Variants in U2AF2 observed in about 807,000 individuals in gnomAD.
U2AF2 encodes U2 small nuclear RNA auxiliary factor 2, also known as splicing factor U2AF 65 kDa subunit.
U2AF2 carries 6 observed loss-of-function variants against 52.6 expected under a neutral mutation model. That is an observed-to-expected ratio of 0.11 (90% CI 0.06 to 0.23). The LOEUF (loss-of-function observed/expected upper bound fraction) is 0.23, where lower values mean the gene tolerates loss of function less well. Among genes scored for constraint, U2AF2 ranks in the 10% least tolerant of loss-of-function variants. The pLI is 1.00. For missense variants in U2AF2, 222 were observed against 677.1 expected (o/e 0.33, Z 7.46); for synonymous variants, 284 against 258.2 (o/e 1.10, Z -0.96).
intron 7 of U2AF2, among the ~76,000 whole-genome samples, chr19:55,664,378 T>C (rs1362334076): frequency 6.6e-6 from 1 of 152,218 alleles, no homozygotes; most frequent in East Asian, 1.9e-4. Context: ...TTTCCTGTGC[T>C]TCTCACAGGC....
intron 5 of U2AF2, 49 bp from the exon 6 acceptor site, chr19:55,662,453 T>TC (rs1323414280): frequency 4.0e-6 from 3 of 745,842 alleles, no homozygotes; most frequent in Non-Finnish European, 3.9e-6. Flanking sequence ...CCCTCCTCTC[T>TC]CCACCTCCCT....
intron 1 of U2AF2, 90 bp downstream of exon 1, chr19:55,655,243 A>G (rs1238087286): frequency 2.8e-6 from 4 of 1,414,746 alleles, no homozygotes; most frequent in Non-Finnish European, 1.9e-6. Flanking sequence ...GCTTCCCCCC[A>G]CTTCACGGCC....
At position 55,668,913 on chromosome 19, in the gene U2AF2, T is replaced by TGC. The variant is rs1984708219; in HGVS notation, c.945+122_945+123insCG. The TGC allele has an allele frequency of 1.2e-5, 19 of 1,523,922 alleles. 1 individual carries two copies. In the South Asian group the frequency reaches 2.2e-4, roughly 18 times the overall value. 94.4% of individuals were successfully genotyped at this position (1,523,922 alleles called of 1,614,324 possible). A position where few individuals can be genotyped will look rare whatever the true frequency, so the allele number is the denominator to read the frequency against. ...AGGCGGCCAACCTGAGGCAGTGCCCTGTGTGTGGGCTCGTCCCTGTCCCAT... is the reference window on the plus strand; with the variant it reads ...AGGCGGCCAACCTGAGGCAGTGCCCTGCGTGTGTGGGCTCGTCCCTGTCCCAT... On this transcript the variant is annotated intron_variant, in intron 9 of 11. Coordinates refer to ENST00000308924, the MANE Select transcript of U2AF2 (RefSeq NM_007279.3). This position sits in a 1 kb window ranked among gnomAD's most constrained non-coding sequence, Gnocchi z 5.5.
At chr19:55,658,072 G>A (rs62129562) in intron 1 of U2AF2, among the ~76,000 whole-genome samples, 12,070 of 152,126 alleles carry the variant, frequency 0.079, 739 homozygotes, top group Non-Finnish European at 0.12. Flanking sequence ...ACATTGCATC[G>A]CAAAAACGTG....
At chr19:55,662,469 C>G in intron 5 of U2AF2, 33 bp from the exon 6 acceptor site, 2 of 1,172,316 alleles carry the variant, frequency 1.7e-6, no homozygotes, top group South Asian at 2.8e-5. Flanking sequence ...TCCCTTCCCC[C>G]GCCCCCCCCC....
chr19:55,669,528 G>A lies in U2AF2; in HGVS notation c.1129G>A (p.Val377Ile), dbSNP rs773409354. ...GCAGATGGGCGGCCACCCGACTGAG[G>A]TCCTGTGCCTCATGAACATGGTGCT... Reference protein sequence around the residue: ...QVQMGGHPTEVLCLMNMVLPE... With the variant: ...QVQMGGHPTEILCLMNMVLPE... The change falls in exon 11 of 12, where the codon GTC (valine) becomes ATC (isoleucine). Residue 377 changes from valine to isoleucine, a missense_variant. Transcript: ENST00000308924. The A allele has an allele frequency of 6.2e-7, 1 of 1,613,882 alleles. No homozygotes were observed. The highest frequency in any genetic ancestry group is 8.5e-7 in the Non-Finnish European group (1 of 1,179,862).
intron 1 of U2AF2, among the ~76,000 whole-genome samples, chr19:55,655,610 T>G (rs969139894): frequency 4.6e-5 from 7 of 152,396 alleles, no homozygotes; most frequent in Middle Eastern, 3.4e-3. Context: ...AAATGGCGGT[T>G]GTGAGAACTT....
chr19:55,669,804 C>T (rs1445484099), intron 11 of U2AF2, 112 bp downstream of exon 11: 9 of 1,406,590 alleles, frequency 6.4e-6, no homozygotes, highest in African/African-American at 5.8e-5. Context: ...TCTCCGCGCG[C>T]TCTTTCTTCC....
intron 5 of U2AF2, chr19:55,661,463 A>T (rs1232341521): frequency 6.5e-5 from 27 of 414,160 alleles, no homozygotes; most frequent in Non-Finnish European, 4.3e-6. Context: ...CACGTGTTGT[A>T]CCTACGTGTC....
intron 7 of U2AF2, among the ~76,000 whole-genome samples, chr19:55,666,059 G>A (rs1055815757): frequency 2.6e-5 from 4 of 152,204 alleles, no homozygotes; most frequent in Non-Finnish European, 5.9e-5. Context: ...GTGGGTTATG[G>A]ATCTAAGGTT....
Position 55,674,012 on chromosome 19 carries a change from G to A in U2AF2, c.1372G>A (p.Val458Met). Residue 458 changes from valine to methionine, a missense_variant, in exon 12 of 12, where the codon GTG (valine) becomes ATG (methionine). Physicochemically the swap from Val to Met is conservative, Grantham distance 21. This residue lies in a region of U2AF2 where 71 missense variants were observed against 180.6 expected (regional missense o/e 0.39). Coordinates refer to ENST00000308924, the MANE Select transcript of U2AF2 (RefSeq NM_007279.3). ...GLTGRKFANR[V>M]VVTKYCDPDS... is the part of the protein sequence containing the mutation. ...GACGGGCCGCAAGTTCGCCAACAGA[G>A]TGGTTGTCACAAAATACTGTGACCC... 3 of 1,613,688 alleles carry A rather than the reference G, an allele frequency of 1.9e-6. No individual in the cohort carries two copies. The highest frequency in any genetic ancestry group is 2.2e-5 in the East Asian group (1 of 44,842).
Position 55,668,933 on chromosome 19 carries a change from T to A in U2AF2, c.945+141T>A. ...TGCCCTGTGTGTGGGCTCGTCCCTG[T>A]CCCATGGCGTTGGCTTTTTCCAGGC... is the stretch of plus-strand genomic sequence containing the variant. On this transcript the variant is annotated intron_variant, in intron 9 of 11. Transcript: ENST00000308924. The surrounding 1 kb of genome is among the most constrained non-coding windows in gnomAD (Gnocchi z 5.5). The A allele has an allele frequency of 2.0e-6, 3 of 1,502,652 alleles. No homozygotes were observed. The highest frequency in any genetic ancestry group is 1.9e-5 in the Admixed American group (1 of 51,950). The allele number at this position is 1,502,652 out of a possible 1,614,324, so 93.1% of individuals were successfully genotyped here. A position where few individuals can be genotyped will look rare whatever the true frequency, so the allele number is the denominator to read the frequency against.
intron 1 of U2AF2, among the ~76,000 whole-genome samples, chr19:55,655,622 G>T (rs929667925): frequency 1.3e-5 from 2 of 152,232 alleles, no homozygotes; most frequent in Non-Finnish European, 2.9e-5. Flanking sequence ...TGAGAACTTG[G>T]TGGGGGGGCC....
At chr19:55,665,974 C>T (rs1379486547) in intron 7 of U2AF2, among the ~76,000 whole-genome samples, 2 of 152,222 alleles carry the variant, frequency 1.3e-5, no homozygotes, top group South Asian at 2.1e-4. Context: ...AGATGGATGG[C>T]GGTGCAGCTG....
chr19:55,660,653 A>G (rs1984123567), intron 4 of U2AF2, 34 bp downstream of exon 4: 2 of 1,591,458 alleles, frequency 1.3e-6, no homozygotes, highest in African/African-American at 2.7e-5. Context: ...CCAGAGCGGG[A>G]GGGTACAGGG....
At chr19:55,656,858 T>TA in intron 1 of U2AF2, among the ~76,000 whole-genome samples, 1 of 152,270 alleles carries the variant, frequency 6.6e-6, no homozygotes, top group South Asian at 2.1e-4. Flanking sequence ...ATTCCATGCT[T>TA]AGAGAGGAGG....
At position 55,669,509 on chromosome 19, in the gene U2AF2, G is replaced by C; in HGVS notation, c.1110G>C (p.Met370Ile). Reference sequence around the variant, plus strand: ...GCTTGATGAGCTCCCAGGTGCAGATGGGCGGCCACCCGACTGAGGTCCTGT... The same window carrying C: ...GCTTGATGAGCTCCCAGGTGCAGATCGGCGGCCACCCGACTGAGGTCCTGT... Reference protein sequence around the residue: ...VPGLMSSQVQMGGHPTEVLCL... With the variant: ...VPGLMSSQVQIGGHPTEVLCL... The change falls in exon 11 of 12, where the codon ATG (methionine) becomes ATC (isoleucine). Residue 370 changes from methionine to isoleucine, a missense_variant. Met to Ile is a conservative substitution (Grantham distance 10, BLOSUM62 1). This residue lies in a region of U2AF2 where 71 missense variants were observed against 180.6 expected (regional missense o/e 0.39). Transcript: ENST00000308924. 6.2e-7 allele frequency: 1 copy of C among 1,613,912 alleles called. No homozygotes were observed. Among genetic ancestry groups the C allele is most frequent in the Non-Finnish European group, 8.5e-7 (1 of 1,179,880 alleles).
At chr19:55,659,989 C>G (rs1293917437) in intron 2 of U2AF2, among the ~76,000 whole-genome samples, 188 bp from the exon 3 acceptor site, 2 of 152,070 alleles carry the variant, frequency 1.3e-5, no homozygotes, top group Non-Finnish European at 2.9e-5. Context: ...CTCCTTTCCT[C>G]ACTTCCTCTT....
intron 1 of U2AF2, among the ~76,000 whole-genome samples, chr19:55,656,324 G>A (rs919927108): frequency 2.0e-5 from 3 of 152,298 alleles, no homozygotes; most frequent in South Asian, 2.1e-4. Flanking sequence ...GCTAGAGTTG[G>A]GTAGGGGCTG....
Sources: allele counts gnomAD v4.1 joint callset (sites outside exome capture counted in the v4.1 genomes callset), GRCh38; gene constraint gnomAD v4.1.1; regional missense constraint gnomAD v4.1.1; non-coding constraint Gnocchi (gnomAD v3.1); transcripts MANE v1.5; gene names NCBI Gene and HGNC (gene_info 2026-07-23, HGNC 2026-07-21).